Variants in HNF4G observed in about 807,000 individuals in gnomAD.
HNF4G encodes hepatocyte nuclear factor 4 gamma.
In HNF4G, 21 loss-of-function variants were observed where a neutral mutation model predicts 50.9. The ratio of observed to expected loss-of-function variants is 0.41; its 90% confidence interval spans 0.29 to 0.59. The LOEUF (loss-of-function observed/expected upper bound fraction) is 0.59, where lower values mean the gene tolerates loss of function less well. Ranked by LOEUF, HNF4G falls within the 20% of genes least tolerant of loss-of-function variation. The probability of loss-of-function intolerance (pLI) is 0.26; values close to 1 mark genes in which losing one functional copy is unlikely to be tolerated. For missense variants in HNF4G, 527 were observed against 559.4 expected (o/e 0.94, Z 0.58); for synonymous variants, 198 against 185.6 (o/e 1.07, Z -0.54).
intron 1 of HNF4G, among the ~76,000 whole-genome samples, chr8:75,463,023 C>G (rs536108646): frequency 1.4e-5 from 2 of 145,326 alleles, no homozygotes; most frequent in South Asian, 4.4e-4. Context: ...TCAATGTGCT[C>G]TTTTTGTTCC....
chr8:75,460,023 A>G (rs1381422623), intron 1 of HNF4G, among the ~76,000 whole-genome samples: 1 of 152,118 alleles, frequency 6.6e-6, no homozygotes, highest in Non-Finnish European at 1.5e-5. Context: ...TAATTAACTC[A>G]TGCTGTATGA....
chr8:75,463,259 C>T (rs1036541104), intron 1 of HNF4G, among the ~76,000 whole-genome samples: 1 of 151,974 alleles, frequency 6.6e-6, no homozygotes. Flanking sequence ...TTTTAAAAAT[C>T]ATTTATAAAA....
intron 2 of HNF4G, among the ~76,000 whole-genome samples, chr8:75,518,587 C>T (rs982100736): frequency 6.6e-6 from 1 of 152,134 alleles, no homozygotes; most frequent in Non-Finnish European, 1.5e-5. Flanking sequence ...CCTGCAGGCC[C>T]AATACCACCT....
chr8:75,509,561 T>C (rs1324992507), intron 2 of HNF4G, among the ~76,000 whole-genome samples: 2 of 152,236 alleles, frequency 1.3e-5, no homozygotes, highest in Middle Eastern at 3.2e-3. Context: ...GGCTCATCAA[T>C]GGAACTTTAT....
At chr8:75,506,365 G>T (rs892482374) in intron 2 of HNF4G, among the ~76,000 whole-genome samples, 34 of 152,032 alleles carry the variant, frequency 2.2e-4, no homozygotes, top group African/African-American at 8.2e-4. Flanking sequence ...GATTTAATAA[G>T]CAGGAAACTT....
At position 75,419,421 on chromosome 8, in the gene HNF4G, A is replaced by G. The variant is rs538910158; in HGVS notation, c.-144+11259A>G. 2.6e-5 allele frequency among the ~76,000 whole-genome samples: 4 copies of G among 152,320 alleles called. No individual in the cohort carries two copies. In the South Asian group the frequency reaches 8.3e-4, roughly 32 times the overall value. ...GCTACTAAACTGGGTACTTCTCTTGAATCAATGGAAAGAAAAACACAGCAA... is the reference window on the plus strand; with the variant it reads ...GCTACTAAACTGGGTACTTCTCTTGGATCAATGGAAAGAAAAACACAGCAA... On this transcript the variant is annotated intron_variant, in intron 1 of 10. Transcript: ENST00000354370.
intron 8 of HNF4G, among the ~76,000 whole-genome samples, chr8:75,559,462 C>CG (rs1245609347): frequency 6.6e-6 from 1 of 151,918 alleles, no homozygotes; most frequent in Non-Finnish European, 1.5e-5. Flanking sequence ...TTAGTAGAGA[C>CG]GGGGTTTCAC....
intron 1 of HNF4G, among the ~76,000 whole-genome samples, chr8:75,444,405 CA>C (rs1200078024): frequency 6.6e-6 from 1 of 150,646 alleles, no homozygotes; most frequent in Middle Eastern, 3.5e-3. Flanking sequence ...ATCATAATGA[CA>C]GGATCAAATT....
At chr8:75,457,878 A>T (rs1170711305) in intron 1 of HNF4G, among the ~76,000 whole-genome samples, 4 of 152,056 alleles carry the variant, frequency 2.6e-5, no homozygotes, top group Non-Finnish European at 5.9e-5. Flanking sequence ...GTGTATGTTT[A>T]TATTGTGAGG....
intron 2 of HNF4G, among the ~76,000 whole-genome samples, chr8:75,505,502 C>A (rs936994302): frequency 6.6e-6 from 1 of 152,066 alleles, no homozygotes; most frequent in Admixed American, 6.6e-5. Context: ...AAGTTTGGGA[C>A]CTTAGATCCA....
At chr8:75,469,759 T>C (rs539629663) in intron 1 of HNF4G, among the ~76,000 whole-genome samples, 1 of 152,280 alleles carries the variant, frequency 6.6e-6, no homozygotes, top group South Asian at 2.1e-4. Flanking sequence ...TCTTCAAGTT[T>C]TTCTTCTTTC....
At chr8:75,417,320 C>G (rs1051321218) in intron 1 of HNF4G, among the ~76,000 whole-genome samples, 2 of 152,206 alleles carry the variant, frequency 1.3e-5, no homozygotes, top group Non-Finnish European at 2.9e-5. Context: ...AACATTTATT[C>G]AGTTTATGTG....
chr8:75,520,016 C>A (rs549783220), intron 2 of HNF4G, among the ~76,000 whole-genome samples: 1 of 151,826 alleles, frequency 6.6e-6, no homozygotes, highest in African/African-American at 2.4e-5. Context: ...TCTCTTCCAG[C>A]CTTCTCTGTG....
At chr8:75,425,062 C>CTATTTATTTATTTATTTATTTATTTATT (rs71271860) in intron 1 of HNF4G, among the ~76,000 whole-genome samples, 1 of 142,580 alleles carries the variant, frequency 7.0e-6, no homozygotes, top group Non-Finnish European at 1.5e-5. Context: ...TCAATGCAGC[C>CTATTTATTTATTTATTTATTTATTTATT]TATTTATTTA....
chr8:75,522,453 T>A (rs1806070095), intron 2 of HNF4G, among the ~76,000 whole-genome samples: 1 of 152,192 alleles, frequency 6.6e-6, no homozygotes, highest in African/African-American at 2.4e-5. Flanking sequence ...ACAATCCCAT[T>A]TGAAGTATGT....
In HNF4G at chr8:75,423,824, T is replaced by C. The variant is rs1271189876; in HGVS notation, c.-144+15662T>C. Reference sequence around the variant, plus strand: ...TCTGCCAAGTTTCTTTCTTTTTTTTTTTTTTTTTTTTTTTTTTTGATAAGG... The same window carrying C: ...TCTGCCAAGTTTCTTTCTTTTTTTTCTTTTTTTTTTTTTTTTTTGATAAGG... On this transcript the variant is annotated intron_variant, in intron 1 of 10. Transcript: ENST00000354370. Among the ~76,000 whole-genome samples the C allele has an allele frequency of 1.9e-3, 226 of 120,082 alleles. 1 individual carries two copies. Among genetic ancestry groups the C allele is most frequent in the African/African-American group, 6.6e-3 (201 of 30,232 alleles). The allele number at this position is 120,082 out of a possible 152,430, so 78.8% of individuals were successfully genotyped here.
chr8:75,520,363 A>T (rs1030699002), intron 2 of HNF4G, among the ~76,000 whole-genome samples: 6 of 152,034 alleles, frequency 3.9e-5, no homozygotes, highest in Admixed American at 6.5e-5. Flanking sequence ...AGTCATTCCA[A>T]TATGTCTATA....
At chr8:75,513,119 C>T (rs1339786226) in intron 2 of HNF4G, among the ~76,000 whole-genome samples, 1 of 151,044 alleles carries the variant, frequency 6.6e-6, no homozygotes, top group African/African-American at 2.4e-5. Flanking sequence ...CTCACTATAA[C>T]CTTCGCCTCC....
intron 2 of HNF4G, 25 bp from the exon 3 acceptor site, chr8:75,547,562 A>G (rs765525805): frequency 2.1e-6 from 3 of 1,457,030 alleles, no homozygotes; most frequent in Non-Finnish European, 2.9e-6. Context: ...AGTTTTCTGC[A>G]AACTGATATA....
Sources: allele counts gnomAD v4.1 joint callset (sites outside exome capture counted in the v4.1 genomes callset), GRCh38; gene constraint gnomAD v4.1.1; transcripts MANE v1.5; gene names NCBI Gene and HGNC (gene_info 2026-07-23, HGNC 2026-07-21).